TANC2: variants seen among roughly 807,000 people sequenced by gnomAD.
The protein encoded by TANC2 is tetratricopeptide repeat, ankyrin repeat and coiled-coil containing 2, also known as protein TANC2.
A neutral mutation model predicts 210.5 loss-of-function variants in TANC2; 26 were observed. The observed-to-expected ratio is 0.12, with a 90% CI of 0.09 to 0.17. The LOEUF is 0.17. Among genes scored for constraint, TANC2 ranks in the 10% least tolerant of loss-of-function variants. The pLI is 1.00. For missense variants in TANC2, 2,129 were observed against 2,608.9 expected (o/e 0.82, Z 4.01); for synonymous variants, 931 against 967.1 (o/e 0.96, Z 0.69).
intron 5 of TANC2, among the ~76,000 whole-genome samples, chr17:63,162,233 G>A (rs185494894): frequency 7.0e-4 from 106 of 151,778 alleles, no homozygotes; most frequent in African/African-American, 2.5e-3. Context: ...GAACCCAGGA[G>A]TTTGAGGCTG....
chr17:63,368,390 C>G (rs529861373), intron 14 of TANC2, among the ~76,000 whole-genome samples: 2 of 152,202 alleles, frequency 1.3e-5, no homozygotes, highest in South Asian at 2.1e-4. Flanking sequence ...AGAGAATGCT[C>G]AAGGCATGCA....
chr17:63,382,170 G>A (rs1204039092), intron 15 of TANC2, among the ~76,000 whole-genome samples: 2 of 152,166 alleles, frequency 1.3e-5, no homozygotes, highest in African/African-American at 4.8e-5. Flanking sequence ...CAAATCCAAA[G>A]CTATGTATTT....
At position 62,988,352 on chromosome 17, in the gene TANC2, G is replaced by A. The variant is rs532331402; in HGVS notation, c.-23-21185G>A. Among the ~76,000 whole-genome samples, 3 of 145,456 alleles carry A rather than the reference G, an allele frequency of 2.1e-5. No individual in the cohort carries two copies. In the South Asian group the frequency reaches 6.4e-4, roughly 31 times the overall value. On this transcript the variant is annotated intron_variant, in intron 1 of 27. Transcript: ENST00000689528. ...GGGGTTTCGCCATGTTCACTAGGCT[G>A]GTCTTGAATGCCTCACCTTAAGTGA... is the stretch of plus-strand genomic sequence containing the variant.
chr17:63,326,358 A>T (rs568257163), intron 11 of TANC2, among the ~76,000 whole-genome samples: 1 of 152,344 alleles, frequency 6.6e-6, no homozygotes, highest in South Asian at 2.1e-4. Context: ...CACCATGCAC[A>T]AGAATAAGCA....
chr17:63,188,912 A>G (rs573881961), intron 5 of TANC2, among the ~76,000 whole-genome samples: 2 of 151,802 alleles, frequency 1.3e-5, no homozygotes, highest in East Asian at 3.9e-4. Context: ...CCAAAAAAAA[A>G]TGTCCCGTGC....
chr17:63,358,407 G>GTGTGTGTGTA (rs2046852040), intron 14 of TANC2, among the ~76,000 whole-genome samples: 1 of 151,612 alleles, frequency 6.6e-6, no homozygotes, highest in Non-Finnish European at 1.5e-5. Flanking sequence ...GTGTGTGTGT[G>GTGTGTGTGTA]TGTGTATGTG....
chr17:63,109,232 G>A (rs1483066384), intron 4 of TANC2, among the ~76,000 whole-genome samples: 1 of 151,516 alleles, frequency 6.6e-6, no homozygotes, highest in African/African-American at 2.4e-5. Context: ...AAATGAATAA[G>A]CAAAAAACTA....
At chr17:63,081,874 A>G (rs1389234851) in intron 3 of TANC2, among the ~76,000 whole-genome samples, 1 of 152,154 alleles carries the variant, frequency 6.6e-6, no homozygotes, top group Non-Finnish European at 1.5e-5. Flanking sequence ...ACAACTAAAA[A>G]GTTTGGAAGG....
chr17:63,138,099 C>T (rs942493305), intron 4 of TANC2, among the ~76,000 whole-genome samples: 13 of 152,082 alleles, frequency 8.5e-5, no homozygotes, highest in African/African-American at 2.4e-4. Flanking sequence ...CAGTTCCAGA[C>T]GTTTCGCAAA....
At chr17:62,973,553 A>G (rs919515572) in intron 1 of TANC2, among the ~76,000 whole-genome samples, 2 of 152,202 alleles carry the variant, frequency 1.3e-5, no homozygotes, top group Non-Finnish European at 1.5e-5. Flanking sequence ...ACCAGGAGGT[A>G]GGTTTAGAGA....
intron 12 of TANC2, among the ~76,000 whole-genome samples, chr17:63,344,994 T>TA (rs1480047369): frequency 2.0e-5 from 3 of 152,188 alleles, no homozygotes; most frequent in African/African-American, 7.2e-5. Flanking sequence ...AGGGAGAGTC[T>TA]AGTTGACTGT....
intron 3 of TANC2, among the ~76,000 whole-genome samples, chr17:63,089,954 T>C (rs1409584480): frequency 6.6e-6 from 1 of 152,196 alleles, no homozygotes; most frequent in Non-Finnish European, 1.5e-5. Flanking sequence ...ATTTAATTTA[T>C]ATAAGTAAAA....
intron 8 of TANC2, among the ~76,000 whole-genome samples, chr17:63,257,833 T>C (rs1392862155): frequency 1.3e-5 from 2 of 152,244 alleles, no homozygotes; most frequent in African/African-American, 4.8e-5. Flanking sequence ...ATACTATCTA[T>C]GTCTTGAAAA....
intron 26 of TANC2, among the ~76,000 whole-genome samples, chr17:63,417,480 G>A (rs1027063541): frequency 3.9e-5 from 6 of 152,008 alleles, no homozygotes; most frequent in Non-Finnish European, 8.8e-5. Flanking sequence ...GCCTGTGAGC[G>A]TGTTCCTCTA....
At chr17:63,294,018 T>C in intron 9 of TANC2, among the ~76,000 whole-genome samples, 1 of 152,218 alleles carries the variant, frequency 6.6e-6, no homozygotes, top group Non-Finnish European at 1.5e-5. Context: ...CATGAGCCAC[T>C]GCACCCAGCC....
At chr17:63,355,315 T>C (rs753804707) in exon 14 of TANC2, 3 of 1,610,942 alleles carry the variant, frequency 1.9e-6, no homozygotes, top group Non-Finnish European at 2.5e-6. Flanking sequence ...ACTCGTATGT[T>C]TGTACATCCT....
intron 27 of TANC2, among the ~76,000 whole-genome samples, chr17:63,419,235 C>T (rs57711869): frequency 0.018 from 2,776 of 152,298 alleles, 71 homozygotes; most frequent in African/African-American, 0.062. Context: ...CGCACTCTTA[C>T]CTAGCTGGGG....
intron 3 of TANC2, among the ~76,000 whole-genome samples, chr17:63,082,150 G>A (rs2036800631): frequency 6.6e-6 from 1 of 152,152 alleles, no homozygotes; most frequent in Admixed American, 6.5e-5. Flanking sequence ...CAGCCTGGGC[G>A]ACAGAGCGAG....
chr17:63,314,892 G>A (rs370881070), intron 10 of TANC2, among the ~76,000 whole-genome samples: 4 of 152,246 alleles, frequency 2.6e-5, no homozygotes, highest in African/African-American at 9.6e-5. Flanking sequence ...CTTTCTCGTG[G>A]AATAAGTTTA....
Sources: allele counts gnomAD v4.1 joint callset (sites outside exome capture counted in the v4.1 genomes callset), GRCh38; gene constraint gnomAD v4.1.1; transcripts MANE v1.5; gene names NCBI Gene and HGNC (gene_info 2026-07-23, HGNC 2026-07-21).